The following IL1RAPL2 variants were observed in gnomAD, a reference collection of about 807,000 sequenced individuals.
IL1RAPL2 encodes the protein interleukin 1 receptor accessory protein like 2.
A neutral mutation model predicts 44.1 loss-of-function variants in IL1RAPL2; 3 were observed. The ratio of observed to expected loss-of-function variants is 0.07; its 90% CI spans 0.03 to 0.18. The LOEUF (loss-of-function observed/expected upper bound fraction) is 0.18. Among genes scored for constraint, IL1RAPL2 ranks in the 10% least tolerant of loss-of-function variants. The probability of loss-of-function intolerance (pLI) is 1.00; values close to 1 mark genes in which losing one functional copy is unlikely to be tolerated. For synonymous variants in IL1RAPL2, 181 were observed against 178.8 expected (o/e 1.01, Z -0.10); for missense variants, 391 against 496.4 (o/e 0.79, Z 2.02).
intron 5 of IL1RAPL2, among the ~76,000 whole-genome samples, chrX:105,428,064 T>C (rs2035822760): frequency 9.0e-6 from 1 of 111,601 alleles, no homozygotes; most frequent in South Asian, 3.7e-4. Context: ...AAAGTAAAAT[T>C]GAATCATATA....
chrX:104,939,139 C>G (rs1925099530), intron 2 of IL1RAPL2, among the ~76,000 whole-genome samples: 3 of 103,115 alleles, frequency 2.9e-5, no homozygotes, highest in South Asian at 8.9e-4. Flanking sequence ...TCATTGCAAA[C>G]TCTGCCTCCT....
intron 2 of IL1RAPL2, among the ~76,000 whole-genome samples, chrX:104,782,848 G>C (rs1433701062): frequency 8.9e-6 from 1 of 111,839 alleles, no homozygotes; most frequent in Non-Finnish European, 1.9e-5. Flanking sequence ...AACCCTATTT[G>C]AGTTGCAAAT....
intron 6 of IL1RAPL2, among the ~76,000 whole-genome samples, chrX:105,582,557 A>AT (rs1304614859): frequency 2.7e-5 from 3 of 110,958 alleles, no homozygotes; most frequent in Admixed American, 1.9e-4. Context: ...ATTATTTTAT[A>AT]TTTTTATGCT....
chrX:105,214,001 G>A lies in IL1RAPL2; in HGVS notation c.356+18253G>A, dbSNP rs188596169. 9.1e-4 allele frequency among the ~76,000 whole-genome samples: 98 copies of A among 107,431 alleles called. 1 individual carries two copies. The highest frequency in any genetic ancestry group is 1.7e-3 in the Non-Finnish European group (88 of 52,158). The allele number at this position is 107,431 out of a possible 115,157, so 93.3% of individuals were successfully genotyped here. A position where few individuals can be genotyped will look rare whatever the true frequency, so the allele number is the denominator to read the frequency against. ...GTACTAAATATGGAAAGGAAAAACC[G>A]GTACCAGCCACTGCAAAAACACACC... is the stretch of plus-strand genomic sequence containing the variant. On this transcript the variant is annotated intron_variant, in intron 3 of 10. Transcript: ENST00000372582.
intron 7 of IL1RAPL2, 64 bp downstream of exon 7, chrX:105,717,560 T>C: frequency 9.6e-7 from 1 of 1,043,692 alleles, no homozygotes. Flanking sequence ...GGATTTTAAT[T>C]GCAACTCCAA....
At chrX:105,270,502 G>A (rs1265171523) in intron 5 of IL1RAPL2, among the ~76,000 whole-genome samples, 1 of 111,755 alleles carries the variant, frequency 8.9e-6, no homozygotes, top group African/African-American at 3.2e-5. Flanking sequence ...CAGGCAACAA[G>A]CTAGGAGCTG....
rs557273355 is a variant in IL1RAPL2, at chrX:105,344,983, C to T, written c.697+77442C>T. Among the ~76,000 whole-genome samples the T allele has an allele frequency of 2.7e-4, 30 of 111,614 alleles. No individual in the cohort carries two copies. The South Asian group carries it at 6.7e-3, about 25-fold the overall frequency. On this transcript the variant is annotated intron_variant, in intron 5 of 10. Coordinates refer to ENST00000372582, the MANE Select transcript of IL1RAPL2 (RefSeq NM_017416.2). ...TGTCATTCAAAGATGGCTTTCCCCTCGAAGCAAAATTGATTGTTTTGCTTC... is the reference window on the plus strand; with the variant it reads ...TGTCATTCAAAGATGGCTTTCCCCTTGAAGCAAAATTGATTGTTTTGCTTC...
At chrX:104,857,828 C>T (rs1022713008) in intron 2 of IL1RAPL2, among the ~76,000 whole-genome samples, 5 of 110,994 alleles carry the variant, frequency 4.5e-5, no homozygotes, top group Non-Finnish European at 9.4e-5. Context: ...TCCTTTCCCT[C>T]CAACCTGTTT....
intron 5 of IL1RAPL2, among the ~76,000 whole-genome samples, chrX:105,457,897 G>A (rs2036067900): frequency 1.8e-5 from 2 of 110,629 alleles, no homozygotes; most frequent in African/African-American, 3.3e-5. Flanking sequence ...ACCACCAAAT[G>A]GTTTTCCACA....
At chrX:105,669,131 A>G (rs1462952655) in intron 6 of IL1RAPL2, among the ~76,000 whole-genome samples, 1 of 111,884 alleles carries the variant, frequency 8.9e-6, no homozygotes, top group Admixed American at 9.5e-5. Context: ...CATGTTTTCA[A>G]CAATATTTAA....
At chrX:104,638,958 T>G (rs1319695199) in intron 1 of IL1RAPL2, among the ~76,000 whole-genome samples, 2 of 112,326 alleles carry the variant, frequency 1.8e-5, no homozygotes, top group Non-Finnish European at 3.8e-5. Flanking sequence ...AATGGGATGT[T>G]GAAGTCCCCC....
intron 4 of IL1RAPL2, among the ~76,000 whole-genome samples, chrX:105,260,862 C>T (rs757468626): frequency 2.7e-5 from 3 of 112,423 alleles, no homozygotes; most frequent in African/African-American, 6.4e-5. Flanking sequence ...ATGCCCCTAC[C>T]GGTGGCTAGC....
chrX:105,126,829 T>C (rs1224446032), intron 2 of IL1RAPL2, among the ~76,000 whole-genome samples: 2 of 110,965 alleles, frequency 1.8e-5, no homozygotes, highest in African/African-American at 6.5e-5. Flanking sequence ...AACATTTCTT[T>C]AGTAACAAAT....
intron 4 of IL1RAPL2, among the ~76,000 whole-genome samples, chrX:105,266,450 C>T (rs1324461819): frequency 9.0e-6 from 1 of 111,408 alleles, no homozygotes; most frequent in Non-Finnish European, 1.9e-5. Context: ...ACATTTGAGG[C>T]GAATGATAGC....
chrX:104,941,751 GTT>G (rs947608034), intron 2 of IL1RAPL2, among the ~76,000 whole-genome samples: 2 of 111,793 alleles, frequency 1.8e-5, no homozygotes, highest in African/African-American at 6.5e-5. Flanking sequence ...TGCTTTTGGT[GTT>G]TTAGTCAAGA....
intron 2 of IL1RAPL2, among the ~76,000 whole-genome samples, chrX:104,784,416 C>T (rs1295711489): frequency 9.0e-6 from 1 of 111,363 alleles, no homozygotes; most frequent in Non-Finnish European, 1.9e-5. Context: ...ATTGTTTCTT[C>T]TCTCCTAAGA....
At chrX:105,225,102 G>T (rs1302582922) in intron 3 of IL1RAPL2, among the ~76,000 whole-genome samples, 2 of 111,668 alleles carry the variant, frequency 1.8e-5, no homozygotes, top group Non-Finnish European at 3.8e-5. Flanking sequence ...CCCTTAGGTG[G>T]CATATTGCAA....
At chrX:104,627,361 A>T (rs1183111545) in intron 1 of IL1RAPL2, among the ~76,000 whole-genome samples, 2 of 104,176 alleles carry the variant, frequency 1.9e-5, no homozygotes, top group Non-Finnish European at 3.9e-5. Context: ...GAGGGAAAGC[A>T]TTAGGAGATA....
At chrX:105,041,382 A>G (rs962769108) in intron 2 of IL1RAPL2, among the ~76,000 whole-genome samples, 3 of 110,813 alleles carry the variant, frequency 2.7e-5, no homozygotes, top group African/African-American at 9.9e-5. Flanking sequence ...AGTTCTGTAG[A>G]TGTCTATTAG....
Sources: gnomAD v4.1 joint callset for allele counts (sites outside exome capture counted in the v4.1 genomes callset) on GRCh38, gnomAD v4.1.1 for gene constraint, MANE v1.5 for transcripts, NCBI Gene and HGNC (gene_info 2026-07-23, HGNC 2026-07-21) for gene names.